The following PSEN2 variants were observed in gnomAD, a reference collection of about 807,000 sequenced individuals.
PSEN2 encodes the protein presenilin 2.
PSEN2 carries 32 observed loss-of-function variants against 49.1 expected under a neutral mutation model. The ratio of observed to expected loss-of-function variants is 0.65; its 90% confidence interval spans 0.49 to 0.88. PSEN2 has a LOEUF of 0.88. Ranked by LOEUF, PSEN2 falls within the 40% of genes least tolerant of loss-of-function variation. The pLI is 0.00. For missense variants in PSEN2, 522 were observed against 586.9 expected (o/e 0.89, Z 1.14); for synonymous variants, 255 against 244.0 (o/e 1.05, Z -0.42).
chr1:226,895,349 G>T, intron 12 of PSEN2, 75 bp from the exon 13 acceptor site: 1 of 1,566,490 alleles, frequency 6.4e-7, no homozygotes, highest in Non-Finnish European at 8.8e-7. Context: ...CCTGTGCCCA[G>T]GGACTAGACC....
At position 226,895,574 on chromosome 1, in the gene PSEN2, A is replaced by G. The variant is rs778005647; in HGVS notation, c.1342A>G (p.Ile448Val). 2 of 1,611,558 alleles carry G rather than the reference A, an allele frequency of 1.2e-6. No individual in the cohort carries two copies. The highest frequency in any genetic ancestry group is 1.3e-5 in the African/African-American group (1 of 74,862). ...MDTLASHQLY[I>V] ...CACCCTGGCCTCCCATCAGCTCTAC[A>G]TCTGAGGGACATGGTGTGCCACAGG... is the stretch of plus-strand genomic sequence containing the variant. Residue 448 changes from isoleucine (I) to valine (V), a missense_variant, in exon 13 of 13, where the codon ATC becomes GTC. Physicochemically the swap from Ile to Val is conservative, Grantham distance 29 (BLOSUM62 3). Transcript: ENST00000366783.
intron 11 of PSEN2, among the ~76,000 whole-genome samples, chr1:226,893,175 C>T (rs1037106367): frequency 9.9e-5 from 15 of 152,248 alleles, no homozygotes; most frequent in Non-Finnish European, 1.2e-4. Context: ...AAGTGATCCA[C>T]CTGCCTTGGC....
intron 3 of PSEN2, among the ~76,000 whole-genome samples, chr1:226,878,173 G>A (rs1660754207): frequency 6.6e-6 from 1 of 151,916 alleles, no homozygotes; most frequent in Non-Finnish European, 1.5e-5. Flanking sequence ...TCCGCCTCCT[G>A]GGTTCAAGTG....
At chr1:226,886,906 A>G (rs1038128459) in intron 6 of PSEN2, among the ~76,000 whole-genome samples, 4 of 152,192 alleles carry the variant, frequency 2.6e-5, no homozygotes, top group African/African-American at 9.7e-5. Flanking sequence ...GTTCAAGTCT[A>G]GCCTGGGCAA....
intron 6 of PSEN2, among the ~76,000 whole-genome samples, chr1:226,886,426 G>A (rs1325683143): frequency 6.6e-6 from 1 of 152,202 alleles, no homozygotes; most frequent in African/African-American, 2.4e-5. Flanking sequence ...TAGCTGCCGA[G>A]TAGCCCCAGG....
chr1:226,878,212 T>G (rs933482327), intron 3 of PSEN2, among the ~76,000 whole-genome samples: 1 of 152,126 alleles, frequency 6.6e-6, no homozygotes, highest in Non-Finnish European at 1.5e-5. Flanking sequence ...TCTGAGTAGC[T>G]GGGATTACAG....
downstream of PSEN2, among the ~76,000 whole-genome samples, chr1:226,901,388 A>G (rs1452220398): frequency 6.7e-6 from 1 of 150,280 alleles, no homozygotes; most frequent in East Asian, 2.0e-4. Context: ...GTGAGACAAG[A>G]TCACGCCATT....
intron 8 of PSEN2, 24 bp downstream of exon 8, chr1:226,889,073 G>T: frequency 3.1e-6 from 5 of 1,596,400 alleles, no homozygotes; most frequent in Non-Finnish European, 4.3e-6. Flanking sequence ...AAGGCTGGTG[G>T]GGGCAGTGGG....
In PSEN2 at chr1:226,883,842, G is replaced by C. The variant is rs200350640; in HGVS notation, c.279G>C (p.Val93=). The C allele has an allele frequency of 3.3e-5, 54 of 1,613,994 alleles. No homozygotes were observed. Among genetic ancestry groups the C allele is most frequent in the East Asian group, 3.3e-4 (15 of 44,892 alleles). The change falls in exon 5 of 13, where the codon GTG becomes GTC. Residue 93 remains valine (V), a synonymous_variant. Transcript: ENST00000366783. The part of the protein sequence containing the change: ...YGAKHVIMLF[V]PVTLCMIVVV... ...CGAAGCACGTGATCATGCTGTTTGT[G>C]CCTGTCACTCTGTGCATGATCGTGG...
downstream of PSEN2, among the ~76,000 whole-genome samples, chr1:226,901,087 G>A (rs1356884009): frequency 6.6e-6 from 1 of 152,152 alleles, no homozygotes; most frequent in Non-Finnish European, 1.5e-5. Context: ...GGTCCTCCCT[G>A]CAGTGTGTAA....
intron 3 of PSEN2, 130 bp from the exon 4 acceptor site, chr1:226,881,758 G>T (rs1661006846): frequency 3.1e-6 from 3 of 965,586 alleles, no homozygotes; most frequent in Non-Finnish European, 5.0e-6. Flanking sequence ...TGATTGACAG[G>T]CATCTCTTGG....
chr1:226,891,005 GATTC>G, intron 9 of PSEN2: 1 of 505,122 alleles, frequency 2.0e-6, no homozygotes, highest in Non-Finnish European at 3.6e-6. Context: ...GGGCTCGGGG[GATTC>G]ACCCGTGAAC....
chr1:226,873,252 C>T (rs900278326), intron 2 of PSEN2, among the ~76,000 whole-genome samples: 1 of 152,084 alleles, frequency 6.6e-6, no homozygotes, highest in African/African-American at 2.4e-5. Flanking sequence ...TTCTTGAGAG[C>T]CTCTTCACTG....
chr1:226,893,112 G>T (rs1293542865), intron 11 of PSEN2, among the ~76,000 whole-genome samples: 1 of 152,060 alleles, frequency 6.6e-6, no homozygotes, highest in Non-Finnish European at 1.5e-5. Flanking sequence ...TATATTTTTA[G>T]TAGAGACAAG....
At chr1:226,879,801 C>T (rs1660862465) in intron 3 of PSEN2, among the ~76,000 whole-genome samples, 1 of 152,232 alleles carries the variant, frequency 6.6e-6, no homozygotes, top group South Asian at 2.1e-4. Flanking sequence ...TTTTAGCTGG[C>T]TTTGCTTCCC....
At chr1:226,901,434 CAA>C (rs71179182), downstream of PSEN2, among the ~76,000 whole-genome samples, 311 of 117,694 alleles carry the variant, frequency 2.6e-3, 2 homozygotes, top group African/African-American at 4.9e-3. Context: ...GAAACTGTCT[CAA>C]AAAAAAAAAA....
At position 226,881,943 on chromosome 1, in the gene PSEN2, A is replaced by T. The variant is rs761147472; in HGVS notation, c.36A>T (p.Glu12Asp). Residue 12 changes from glutamate (E) to aspartate (D), a missense_variant, in exon 4 of 13, where the codon GAA becomes GAT. By Grantham distance (45) the Glu-to-Asp change is conservative. Transcript: ENST00000366783. ...LTFMASDSEE[E>D]VCDERTSLMS... is the part of the protein sequence containing the mutation. ...TCATGGCCTCTGACAGCGAGGAAGAAGTGTGTGATGAGCGGACGTCCCTAA... is the reference window on the plus strand; with the variant it reads ...TCATGGCCTCTGACAGCGAGGAAGATGTGTGTGATGAGCGGACGTCCCTAA... 6.2e-7 allele frequency: 1 copy of T among 1,614,112 alleles called. No homozygotes were observed. The highest frequency in any genetic ancestry group is 1.7e-5 in the Admixed American group (1 of 60,014).
At chr1:226,884,013 A>G in intron 5 of PSEN2, 94 bp downstream of exon 5, 1 of 1,077,222 alleles carries the variant, frequency 9.3e-7, no homozygotes, top group Non-Finnish European at 1.4e-6. Flanking sequence ...CTGTACCTGC[A>G]GCTCCACACC....
chr1:226,895,451 G>T lies in PSEN2; in HGVS notation c.1219G>T (p.Ala407Ser). 6.2e-7 allele frequency: 1 copy of T among 1,614,026 alleles called. No individual in the cohort carries two copies. Residue 407 changes from alanine to serine, a missense_variant, in exon 13 of 13, where the codon GCT becomes TCT. Physicochemically the swap from Ala to Ser is moderately conservative, Grantham distance 99. Coordinates refer to ENST00000366783, the MANE Select transcript of PSEN2 (RefSeq NM_000447.3). ...CTTGTGTCTGACCCTCCTGCTGCTT[G>T]CTGTGTTCAAGAAGGCGCTGCCCGC... is the stretch of plus-strand genomic sequence containing the variant. Reference protein sequence around the residue: ...IGLCLTLLLLAVFKKALPALP... With the variant: ...IGLCLTLLLLSVFKKALPALP...
Sources: gnomAD v4.1 joint callset for allele counts (sites outside exome capture counted in the v4.1 genomes callset) on GRCh38, gnomAD v4.1.1 for gene constraint, MANE v1.5 for transcripts, NCBI Gene and HGNC (gene_info 2026-07-23, HGNC 2026-07-21) for gene names.